DCDC1: variants seen among roughly 807,000 people sequenced by gnomAD.
DCDC1 encodes doublecortin domain containing 1, also known as doublecortin domain-containing protein 1.
A neutral mutation model predicts 178.3 loss-of-function variants in DCDC1; 200 were observed. The observed-to-expected ratio is 1.12, with a 90% CI of 1.00 to 1.26. The LOEUF (loss-of-function observed/expected upper bound fraction) is 1.26, where lower values mean the gene tolerates loss of function less well. DCDC1 is among the 50% of genes most tolerant of loss of function. DCDC1 has a pLI of 0.00. For missense variants in DCDC1, 1,983 were observed against 1,749.2 expected (o/e 1.13, Z -2.38); for synonymous variants, 690 against 604.8 (o/e 1.14, Z -2.07).
intron 7 of DCDC1, among the ~76,000 whole-genome samples, chr11:31,287,585 C>T (rs1015305522): frequency 5.9e-5 from 9 of 151,868 alleles, no homozygotes; most frequent in African/African-American, 1.9e-4. Flanking sequence ...GTGTCACCTA[C>T]AAAGGACGAT....
intron 7 of DCDC1, among the ~76,000 whole-genome samples, chr11:31,285,446 C>G (rs1946753139): frequency 1.3e-5 from 2 of 152,184 alleles, no homozygotes; most frequent in East Asian, 3.9e-4. Flanking sequence ...CCAGGTTCTC[C>G]TTTTTGAATC....
At chr11:31,126,485 G>A (rs1008391534) in intron 11 of DCDC1, among the ~76,000 whole-genome samples, 3 of 152,012 alleles carry the variant, frequency 2.0e-5, no homozygotes, top group Admixed American at 1.3e-4. Flanking sequence ...AAATACACAC[G>A]GGAATGTCAT....
chr11:31,365,472 T>A (rs1403038554), intron 1 of DCDC1, among the ~76,000 whole-genome samples: 3 of 152,120 alleles, frequency 2.0e-5, no homozygotes, highest in African/African-American at 7.2e-5. Context: ...GCCAAGTAAA[T>A]ATAATCCTGA....
intron 11 of DCDC1, among the ~76,000 whole-genome samples, chr11:31,125,909 G>A (rs935843557): frequency 4.6e-5 from 7 of 151,762 alleles, no homozygotes; most frequent in Non-Finnish European, 4.4e-5. Context: ...CTTCACATGT[G>A]CCCTAGAACT....
chr11:31,069,665 C>A (rs149014732), intron 18 of DCDC1, among the ~76,000 whole-genome samples: 1 of 152,256 alleles, frequency 6.6e-6, no homozygotes, highest in African/African-American at 2.4e-5. Flanking sequence ...GTAACAGCAG[C>A]ATGGCTCAAA....
intron 20 of DCDC1, among the ~76,000 whole-genome samples, chr11:31,025,239 T>C (rs990254444): frequency 2.0e-5 from 3 of 151,790 alleles, no homozygotes; most frequent in African/African-American, 7.2e-5. Context: ...ACTTCTATTA[T>C]AACCTTTCCC....
chr11:30,951,068 A>G (rs1260539259), intron 21 of DCDC1, among the ~76,000 whole-genome samples: 3 of 152,118 alleles, frequency 2.0e-5, no homozygotes, highest in Non-Finnish European at 4.4e-5. Flanking sequence ...GAGAGAAAAT[A>G]TTTGAAGAGT....
chr11:31,239,792 T>G (rs1976896423), intron 9 of DCDC1, among the ~76,000 whole-genome samples: 1 of 151,838 alleles, frequency 6.6e-6, no homozygotes, highest in Non-Finnish European at 1.5e-5. Flanking sequence ...ATAAAATATA[T>G]TTTTCATCAA....
chr11:30,877,538 A>C (rs562058139), intron 38 of DCDC1, among the ~76,000 whole-genome samples: 1 of 152,076 alleles, frequency 6.6e-6, no homozygotes, highest in South Asian at 2.1e-4. Context: ...ACCTTCCATA[A>C]TTTTTCTTTT....
chr11:31,099,545 A>T (rs768354701), intron 15 of DCDC1, among the ~76,000 whole-genome samples: 10 of 152,176 alleles, frequency 6.6e-5, no homozygotes, highest in Non-Finnish European at 1.2e-4. Context: ...ATTTTGAGCC[A>T]TGCAAGAAGT....
chr11:31,140,500 T>C (rs1963688499), intron 9 of DCDC1, among the ~76,000 whole-genome samples: 1 of 152,188 alleles, frequency 6.6e-6, no homozygotes, highest in African/African-American at 2.4e-5. Flanking sequence ...TTGTCAGGCC[T>C]TGCTGCTAAG....
intron 9 of DCDC1, among the ~76,000 whole-genome samples, chr11:31,237,331 TA>T (rs2136850348): frequency 1.3e-5 from 2 of 151,990 alleles, no homozygotes; most frequent in Admixed American, 6.6e-5. Context: ...CCTCATCAAA[TA>T]ATATGCCCAC....
chr11:31,229,784 C>A (rs1387833499), intron 9 of DCDC1, among the ~76,000 whole-genome samples: 1 of 152,106 alleles, frequency 6.6e-6, no homozygotes, highest in African/African-American at 2.4e-5. Context: ...CAATGATGAT[C>A]TGAATTGGTG....
chr11:30,987,883 C>A (rs1260158781), intron 20 of DCDC1, among the ~76,000 whole-genome samples: 1 of 152,230 alleles, frequency 6.6e-6, no homozygotes, highest in East Asian at 1.9e-4. Flanking sequence ...TCTTCTTCCT[C>A]CAGTGCAGCC....
chr11:31,241,798 T>A (rs995949445), intron 8 of DCDC1, 182 bp from the exon 9 acceptor site: 1 of 366,062 alleles, frequency 2.7e-6, no homozygotes. Flanking sequence ...TGTATTTATA[T>A]TGAGACACCC....
At chr11:31,068,021 T>A (rs1956349734) in intron 18 of DCDC1, among the ~76,000 whole-genome samples, 1 of 152,186 alleles carries the variant, frequency 6.6e-6, no homozygotes, top group Non-Finnish European at 1.5e-5. Context: ...TTATGTGAAT[T>A]ATATTCAAGA....
chr11:31,103,694 T>A lies in DCDC1; in HGVS notation c.1827A>T (p.Ala609=). 2.6e-6 allele frequency: 2 copies of A among 765,802 alleles called. No homozygotes were observed. The highest frequency in any genetic ancestry group is 4.8e-6 in the Non-Finnish European group (2 of 417,678). 47.4% of individuals were successfully genotyped at this position (765,802 alleles called of 1,614,324 possible). A position where few individuals can be genotyped will look rare whatever the true frequency, so the allele number is the denominator to read the frequency against. Reference sequence around the variant, plus strand: ...CATTAGGATCCAAAAAGGTCTTATATGCAACCATGATATCACCTCTGGCAA... The same window carrying A: ...CATTAGGATCCAAAAAGGTCTTATAAGCAACCATGATATCACCTCTGGCAA... ...SAFARGDIMV[A]YKTFLDPNAV... is the part of the protein sequence containing the mutation. Residue 609 remains alanine (A), a synonymous_variant, in exon 14 of 39, where the codon GCA becomes GCT. Coordinates refer to ENST00000684477, the MANE Select transcript of DCDC1 (RefSeq NM_001387274.1).
At chr11:31,195,572 C>G (rs1354474576) in intron 9 of DCDC1, among the ~76,000 whole-genome samples, 2 of 152,002 alleles carry the variant, frequency 1.3e-5, no homozygotes, top group Non-Finnish European at 2.9e-5. Flanking sequence ...CTTCAAGCCT[C>G]AAATCAAAGG....
intron 9 of DCDC1, among the ~76,000 whole-genome samples, chr11:31,189,167 A>G (rs7949998): frequency 0.049 from 7,411 of 152,276 alleles, 475 homozygotes; most frequent in African/African-American, 0.13. Flanking sequence ...AAATGTACTA[A>G]GACAATGAGA....
Sources: allele counts gnomAD v4.1 joint callset (sites outside exome capture counted in the v4.1 genomes callset), GRCh38; gene constraint gnomAD v4.1.1; transcripts MANE v1.5; gene names NCBI Gene and HGNC (gene_info 2026-07-23, HGNC 2026-07-21).